The following MDGA2 variants were observed in gnomAD, a reference collection of about 807,000 sequenced individuals.
MDGA2 encodes the protein MAM domain containing glycosylphosphatidylinositol anchor 2.
In MDGA2, 40 loss-of-function variants were observed where a neutral mutation model predicts 117.8. The observed-to-expected ratio is 0.34, with a 90% CI of 0.26 to 0.44. The LOEUF (loss-of-function observed/expected upper bound fraction) is 0.44, where lower values mean the gene tolerates loss of function less well. Ranked by LOEUF, MDGA2 falls within the 20% of genes least tolerant of loss-of-function variation. MDGA2 has a pLI of 1.00. For synonymous variants in MDGA2, 452 were observed against 439.0 expected, an observed-to-expected ratio of 1.03 and a Z score of -0.37; for missense variants, 1,123 against 1,250.6, an observed-to-expected ratio of 0.90 and a Z score of 1.54.
chr14:46,903,382 T>C (rs1169522683), intron 10 of MDGA2, among the ~76,000 whole-genome samples: 1 of 152,192 alleles, frequency 6.6e-6, no homozygotes, highest in African/African-American at 2.4e-5. Flanking sequence ...TAGTCTAGTG[T>C]AACCTTTATA....
chr14:46,856,261 T>C (rs1466333638), intron 14 of MDGA2, among the ~76,000 whole-genome samples: 4 of 152,088 alleles, frequency 2.6e-5, no homozygotes, highest in Non-Finnish European at 5.9e-5. Flanking sequence ...AAAAATCAAC[T>C]GTATTGAGGC....
intron 1 of MDGA2, among the ~76,000 whole-genome samples, chr14:47,670,486 T>C (rs1169670316): frequency 2.6e-5 from 4 of 152,198 alleles, no homozygotes; most frequent in Non-Finnish European, 5.9e-5. Context: ...ATTGATATGA[T>C]GTCATTGTCA....
chr14:46,981,169 C>CA (rs1241046629), intron 8 of MDGA2, among the ~76,000 whole-genome samples: 2 of 71,602 alleles, frequency 2.8e-5, no homozygotes, highest in African/African-American at 1.6e-4. Flanking sequence ...TTTGGGAGGC[C>CA]AAGGGGGGGG....
At chr14:47,171,315 A>C (rs1223239659) in intron 3 of MDGA2, among the ~76,000 whole-genome samples, 1 of 152,154 alleles carries the variant, frequency 6.6e-6, no homozygotes, top group African/African-American at 2.4e-5. Context: ...CCCAAACATA[A>C]TGAATATTAT....
chr14:47,126,159 G>A (rs1555355736), intron 5 of MDGA2, among the ~76,000 whole-genome samples: 1 of 151,906 alleles, frequency 6.6e-6, no homozygotes, highest in Non-Finnish European at 1.5e-5. Context: ...AATCAAGGGA[G>A]TATATATTCA....
At chr14:47,037,504 C>G (rs1393719102) in intron 7 of MDGA2, among the ~76,000 whole-genome samples, 2 of 152,160 alleles carry the variant, frequency 1.3e-5, no homozygotes, top group African/African-American at 2.4e-5. Flanking sequence ...CTGCTCATGA[C>G]AAATTGGACA....
chr14:47,295,142 T>C (rs977461246), intron 2 of MDGA2, among the ~76,000 whole-genome samples: 2 of 152,184 alleles, frequency 1.3e-5, no homozygotes, highest in Non-Finnish European at 2.9e-5. Context: ...TGATGAAAAA[T>C]ATTATTCAAA....
chr14:47,450,277 TTC>T, intron 1 of MDGA2, among the ~76,000 whole-genome samples: 1 of 152,116 alleles, frequency 6.6e-6, no homozygotes, highest in East Asian at 1.9e-4. Context: ...GTTGTCACTT[TTC>T]TCTCTTTATT....
intron 1 of MDGA2, among the ~76,000 whole-genome samples, chr14:47,618,543 A>G (rs1273824783): frequency 6.6e-6 from 1 of 152,158 alleles, no homozygotes; most frequent in African/African-American, 2.4e-5. Context: ...AATACATGTT[A>G]AGTTCTCTAA....
Position 47,061,325 on chromosome 14 carries a change from C to T in MDGA2, c.1449G>A (p.Thr483=), listed in dbSNP as rs774276862. The T allele has an allele frequency of 1.4e-5, 22 of 1,613,322 alleles. No individual in the cohort carries two copies. Among genetic ancestry groups the T allele is most frequent in the Middle Eastern group, 1.6e-4 (1 of 6,080 alleles). The change falls in exon 7 of 17, where the codon ACG becomes ACA. Residue 483 remains threonine (T), a synonymous_variant. Coordinates refer to ENST00000399232, the MANE Select transcript of MDGA2 (RefSeq NM_001113498.3). ...CCTTCAGAGATGCTACACATGTGTACGTCCCAAAATCCGTGAATTTTAAAT... is the reference window on the plus strand; with the variant it reads ...CCTTCAGAGATGCTACACATGTGTATGTCCCAAAATCCGTGAATTTTAAAT... The part of the protein sequence containing the change: ...IIDLKFTDFG[T]YTCVASLKGG...
chr14:47,396,864 A>C (rs4383053), intron 1 of MDGA2, among the ~76,000 whole-genome samples: 109,602 of 151,988 alleles, frequency 0.72, 39,811 homozygotes, highest in Middle Eastern at 0.82. Flanking sequence ...TGGAGAAATA[A>C]GAATGCTTTT....
In MDGA2 at chr14:47,175,361, G is replaced by A. The variant is rs1051344772; in HGVS notation, c.596-31087C>T. ...GACACAACCAAAAAAGAGAATTTTA[G>A]ACCAGTATCCTTGATGAACATTGAT... On this transcript the variant is annotated intron_variant, in intron 3 of 16. Transcript: ENST00000399232. Among the ~76,000 whole-genome samples the A allele has an allele frequency of 1.5e-3, 232 of 151,716 alleles. 1 individual carries two copies. The highest frequency in any genetic ancestry group is 5.4e-3 in the African/African-American group (223 of 41,170).
At chr14:47,460,461 G>C (rs546798551) in intron 1 of MDGA2, among the ~76,000 whole-genome samples, 1 of 152,060 alleles carries the variant, frequency 6.6e-6, no homozygotes, top group South Asian at 2.1e-4. Context: ...TCTATTTTTA[G>C]AAAAACATTA....
intron 10 of MDGA2, among the ~76,000 whole-genome samples, chr14:46,888,724 T>TC (rs1882763555): frequency 6.6e-6 from 1 of 151,662 alleles, no homozygotes; most frequent in South Asian, 2.1e-4. Context: ...TTTTTTTTTT[T>TC]CTTGGACTAT....
chr14:46,890,329 A>G (rs1304979145), intron 10 of MDGA2, among the ~76,000 whole-genome samples: 5 of 152,138 alleles, frequency 3.3e-5, no homozygotes, highest in African/African-American at 1.2e-4. Flanking sequence ...ATGAGAGAGC[A>G]GTTAATAAAG....
chr14:46,923,576 T>A (rs187958719), intron 9 of MDGA2, among the ~76,000 whole-genome samples: 261 of 152,164 alleles, frequency 1.7e-3, no homozygotes, highest in Middle Eastern at 6.8e-3. Context: ...TAGTAATAAG[T>A]AATTGCTAAT....
rs942719362 is a variant in MDGA2 at position 46,841,749 on chromosome 14, T to C, written c.*182A>G. The C allele has an allele frequency of 2.2e-6, 1 of 449,696 alleles. No individual in the cohort carries two copies. Among genetic ancestry groups the C allele is most frequent in the Non-Finnish European group, 4.0e-6 (1 of 249,964 alleles). 27.9% of individuals were successfully genotyped at this position (449,696 alleles called of 1,614,324 possible). Reference sequence around the variant, plus strand: ...TCTTTTATGTTTAGTCTGGAATAAGTTATACTTCCATGATGTCTTTTTATC... The same window carrying C: ...TCTTTTATGTTTAGTCTGGAATAAGCTATACTTCCATGATGTCTTTTTATC... On this transcript the variant is annotated 3_prime_UTR_variant, in exon 17 of 17. Coordinates refer to ENST00000399232, the MANE Select transcript of MDGA2 (RefSeq NM_001113498.3).
At chr14:47,206,596 G>T (rs915383547) in intron 3 of MDGA2, among the ~76,000 whole-genome samples, 1 of 151,752 alleles carries the variant, frequency 6.6e-6, no homozygotes, top group Admixed American at 6.6e-5. Context: ...AATAAAATAA[G>T]TATATAGGTA....
intron 9 of MDGA2, among the ~76,000 whole-genome samples, chr14:46,936,098 T>G (rs1432636321): frequency 6.6e-6 from 1 of 152,194 alleles, no homozygotes; most frequent in Non-Finnish European, 1.5e-5. Flanking sequence ...TTACTTTATT[T>G]TTTAATGAAG....
Sources: allele counts gnomAD v4.1 joint callset (sites outside exome capture counted in the v4.1 genomes callset), GRCh38; gene constraint gnomAD v4.1.1; transcripts MANE v1.5; gene names NCBI Gene and HGNC (gene_info 2026-07-23, HGNC 2026-07-21).